NARS2: variants seen among roughly 807,000 people sequenced by gnomAD.
NARS2 encodes the protein asparaginyl-tRNA synthetase.
A neutral mutation model predicts 62.9 loss-of-function variants in NARS2; 60 were observed. The ratio of observed to expected loss-of-function variants is 0.95; its 90% confidence interval spans 0.77 to 1.18. The LOEUF (loss-of-function observed/expected upper bound fraction) is 1.18, where lower values mean the gene tolerates loss of function less well. Among genes scored for constraint, NARS2 ranks in the 50% most tolerant of loss-of-function variants. The pLI is 0.00. For missense variants in NARS2, 619 were observed against 576.4 expected (o/e 1.07, Z -0.76); for synonymous variants, 196 against 200.0 (o/e 0.98, Z 0.17).
intron 7 of NARS2, among the ~76,000 whole-genome samples, chr11:78,480,386 C>G (rs1188513609): frequency 6.6e-6 from 1 of 152,168 alleles, no homozygotes; most frequent in Non-Finnish European, 1.5e-5. Flanking sequence ...TCCTTAGCAG[C>G]TGTGATTACA....
chr11:78,534,999 C>T (rs749945965), intron 5 of NARS2, among the ~76,000 whole-genome samples: 1 of 152,168 alleles, frequency 6.6e-6, no homozygotes, highest in Non-Finnish European at 1.5e-5. Context: ...ATTAGTGGTA[C>T]ACAAGTAAAC....
At chr11:78,526,885 A>C (rs1590816056) in intron 6 of NARS2, among the ~76,000 whole-genome samples, 1 of 152,332 alleles carries the variant, frequency 6.6e-6, no homozygotes, top group African/African-American at 2.4e-5. Context: ...CAAACCTTGA[A>C]TATAAGGCCA....
At chr11:78,475,868 T>C (rs974966608) in intron 9 of NARS2, among the ~76,000 whole-genome samples, 3 of 152,194 alleles carry the variant, frequency 2.0e-5, no homozygotes, top group African/African-American at 7.2e-5. Context: ...CCCAAAGTGC[T>C]GAGACTACAG....
intron 2 of NARS2, among the ~76,000 whole-genome samples, chr11:78,568,988 G>A (rs1051816314): frequency 1.3e-5 from 2 of 152,262 alleles, no homozygotes; most frequent in East Asian, 3.9e-4. Context: ...AATTAATTCA[G>A]AATTAAGAGG....
chr11:78,514,596 T>A (rs2135395508), intron 6 of NARS2, among the ~76,000 whole-genome samples: 1 of 152,360 alleles, frequency 6.6e-6, no homozygotes, highest in East Asian at 1.9e-4. Context: ...GAAACTTGCT[T>A]ATTACAAAGG....
chr11:78,477,313 CAT>C (rs1859142632), intron 9 of NARS2, among the ~76,000 whole-genome samples: 3 of 152,184 alleles, frequency 2.0e-5, no homozygotes, highest in African/African-American at 7.2e-5. Flanking sequence ...ATCTGAAAAG[CAT>C]CTCAATCTTA....
At chr11:78,438,417 T>G (rs1474251752) in intron 13 of NARS2, among the ~76,000 whole-genome samples, 3 of 152,184 alleles carry the variant, frequency 2.0e-5, no homozygotes, top group Non-Finnish European at 4.4e-5. Flanking sequence ...GACTCAGTGA[T>G]GAAATGAACA....
chr11:78,486,820 T>G (rs1187741620), intron 7 of NARS2, among the ~76,000 whole-genome samples: 1 of 152,022 alleles, frequency 6.6e-6, no homozygotes, highest in Non-Finnish European at 1.5e-5. Flanking sequence ...TATCTGACAA[T>G]TTGATGCAGG....
chr11:78,538,978 G>A (rs1251628891), intron 5 of NARS2, among the ~76,000 whole-genome samples: 1 of 114,818 alleles, frequency 8.7e-6, no homozygotes, highest in Non-Finnish European at 1.6e-5. Flanking sequence ...CTGGGCGACA[G>A]AGCGAGAATC....
intron 4 of NARS2, among the ~76,000 whole-genome samples, chr11:78,562,563 T>A (rs1455714108): frequency 6.6e-6 from 1 of 152,236 alleles, no homozygotes; most frequent in Non-Finnish European, 1.5e-5. Flanking sequence ...GAATCTTTTC[T>A]ACTGGCTCAC....
intron 11 of NARS2, among the ~76,000 whole-genome samples, chr11:78,454,456 C>T (rs150294425): frequency 6.6e-6 from 1 of 152,244 alleles, no homozygotes; most frequent in Non-Finnish European, 1.5e-5. Flanking sequence ...TTCTTTCTTG[C>T]TCTCTGTTTT....
At chr11:78,459,806 T>C (rs1029600119) in intron 11 of NARS2, among the ~76,000 whole-genome samples, 1 of 152,228 alleles carries the variant, frequency 6.6e-6, no homozygotes, top group Non-Finnish European at 1.5e-5. Context: ...GAAAGTGTCA[T>C]TAATTAAATA....
chr11:78,569,489 T>G (rs1292266877), intron 2 of NARS2, among the ~76,000 whole-genome samples: 4 of 152,208 alleles, frequency 2.6e-5, no homozygotes, highest in Non-Finnish European at 4.4e-5. Flanking sequence ...ATAATTACAG[T>G]AAGTATGACA....
At chr11:78,489,843 C>T (rs1283327066) in intron 7 of NARS2, among the ~76,000 whole-genome samples, 1 of 151,896 alleles carries the variant, frequency 6.6e-6, no homozygotes, top group African/African-American at 2.4e-5. Context: ...TCACTTGGGC[C>T]CAGAAGTTTG....
intron 4 of NARS2, among the ~76,000 whole-genome samples, chr11:78,564,064 A>G (rs1427647664): frequency 7.3e-5 from 11 of 150,158 alleles, no homozygotes; most frequent in African/African-American, 2.7e-4. Flanking sequence ...ATACCCAGCT[A>G]ATTTTTTTGT....
At chr11:78,525,707 G>C (rs1192939537) in intron 6 of NARS2, among the ~76,000 whole-genome samples, 1 of 152,038 alleles carries the variant, frequency 6.6e-6, no homozygotes, top group Non-Finnish European at 1.5e-5. Flanking sequence ...GGGGAGACTA[G>C]ACTTAGTGAC....
At chr11:78,476,356 G>A (rs1859095235) in intron 9 of NARS2, among the ~76,000 whole-genome samples, 2 of 152,298 alleles carry the variant, frequency 1.3e-5, no homozygotes, top group South Asian at 4.1e-4. Flanking sequence ...CTCCTAGGAA[G>A]CATCACAGAA....
chr11:78,464,827 C>A (rs959026586), intron 11 of NARS2, among the ~76,000 whole-genome samples: 9 of 151,892 alleles, frequency 5.9e-5, no homozygotes, highest in Non-Finnish European at 1.5e-5. Flanking sequence ...TACAGAGTGC[C>A]GATTGGTGTA....
chr11:78,492,450 A>C (rs760857952), intron 7 of NARS2, among the ~76,000 whole-genome samples: 47 of 152,038 alleles, frequency 3.1e-4, no homozygotes, highest in Non-Finnish European at 5.4e-4. Context: ...CCAATTTAGA[A>C]CTCTTGCTCC....
Sources: allele counts gnomAD v4.1 joint callset (sites outside exome capture counted in the v4.1 genomes callset), GRCh38; gene constraint gnomAD v4.1.1; transcripts MANE v1.5; gene names NCBI Gene and HGNC (gene_info 2026-07-23, HGNC 2026-07-21).